The following CPSF2 variants were observed in gnomAD, a reference collection of about 807,000 sequenced individuals.
CPSF2 encodes the protein cleavage and polyadenylation specificity factor subunit 2.
A neutral mutation model predicts 84.2 loss-of-function variants in CPSF2; 51 were observed. That is an observed-to-expected ratio of 0.61 (90% CI 0.48 to 0.77). The LOEUF is 0.77. Ranked by LOEUF, CPSF2 falls within the 30% of genes least tolerant of loss-of-function variation. The pLI is 0.00. For missense variants in CPSF2, 641 were observed against 929.4 expected, an observed-to-expected ratio of 0.69 and a Z score of 4.03; for synonymous variants, 286 against 311.9, an observed-to-expected ratio of 0.92 and a Z score of 0.87.
intron 15 of CPSF2, 93 bp downstream of exon 15, chr14:92,161,339 A>C (rs2069369528): frequency 1.4e-6 from 2 of 1,397,898 alleles, no homozygotes; most frequent in Admixed American, 2.6e-5. Flanking sequence ...TATTTTCACA[A>C]AACTGAAGAT....
rs917325322 is a variant in CPSF2 at position 92,122,103 on chromosome 14, G to A, written c.-119G>A. The A allele has an allele frequency of 2.3e-6, 1 of 438,488 alleles. No homozygotes were observed. The highest frequency in any genetic ancestry group is 2.0e-5 in the African/African-American group (1 of 49,738). The allele number at this position is 438,488 out of a possible 1,614,324, so 27.2% of individuals were successfully genotyped here. A position where few individuals can be genotyped will look rare whatever the true frequency, so the allele number is the denominator to read the frequency against. On this transcript the variant is annotated 5_prime_UTR_variant, in exon 1 of 16. Transcript: ENST00000298875. ...CGCCTAGGGGTTGGGAAGGGCTGTGGACGGCGTTGGGGGAGGCCTGACGAG... is the reference window on the plus strand; with the variant it reads ...CGCCTAGGGGTTGGGAAGGGCTGTGAACGGCGTTGGGGGAGGCCTGACGAG...
chr14:92,153,535 G>A (rs1010757365), intron 9 of CPSF2, among the ~76,000 whole-genome samples: 20 of 151,972 alleles, frequency 1.3e-4, no homozygotes, highest in African/African-American at 4.8e-4. Context: ...TTATAAAAAT[G>A]CTTATCTGTA....
intron 3 of CPSF2, among the ~76,000 whole-genome samples, chr14:92,133,019 G>A (rs1046770074): frequency 2.6e-5 from 4 of 151,522 alleles, no homozygotes; most frequent in Non-Finnish European, 4.4e-5. Flanking sequence ...TGAACCGGGC[G>A]GTGGAGGTCG....
At chr14:92,156,765 T>A (rs201940287) in intron 12 of CPSF2, 134 bp downstream of exon 12, 1 of 457,774 alleles carries the variant, frequency 2.2e-6, no homozygotes. Context: ...AATTTATTTT[T>A]GTATGAAGAG....
intron 9 of CPSF2, among the ~76,000 whole-genome samples, chr14:92,149,995 G>A (rs917958211): frequency 1.3e-5 from 2 of 152,234 alleles, no homozygotes; most frequent in Non-Finnish European, 2.9e-5. Flanking sequence ...GACAAGATGG[G>A]AAGTATTAAT....
At chr14:92,142,443 T>C in intron 8 of CPSF2, 92 bp downstream of exon 8, 1 of 952,408 alleles carries the variant, frequency 1.0e-6, no homozygotes, top group Non-Finnish European at 1.6e-6. Flanking sequence ...ATTTTATTTT[T>C]CTCTTGAAGA....
rs911113374 is a variant in CPSF2 at position 92,166,733 on chromosome 14, T to C, written c.*4989T>C. 1.3e-5 allele frequency: 2 copies of C among 152,220 alleles called. No individual in the cohort carries two copies. The highest frequency in any genetic ancestry group is 2.9e-5 in the Non-Finnish European group (2 of 68,054). The allele number at this position is 152,220 out of a possible 1,614,324, so 9.4% of individuals were successfully genotyped here. A position where few individuals can be genotyped will look rare whatever the true frequency, so the allele number is the denominator to read the frequency against. On this transcript the variant is annotated 3_prime_UTR_variant, in exon 16 of 16. Transcript: ENST00000298875. ...TATCCAGTTGTCCCAGCATCATTTG[T>C]TGAAAAGACTATTTCTTCATTGATT...
At chr14:92,154,310 CT>C (rs769910336) in intron 9 of CPSF2, 47 bp from the exon 10 acceptor site, 5 of 1,362,582 alleles carry the variant, frequency 3.7e-6, no homozygotes, top group Admixed American at 2.1e-5. Flanking sequence ...CTTTAACCCC[CT>C]AATATTAACA....
chr14:92,158,272 G>T (rs1297730269), intron 13 of CPSF2, among the ~76,000 whole-genome samples: 1 of 152,178 alleles, frequency 6.6e-6, no homozygotes, highest in African/African-American at 2.4e-5. Flanking sequence ...TGAGGAAAAT[G>T]ATTAAGAATT....
intron 3 of CPSF2, among the ~76,000 whole-genome samples, chr14:92,131,817 C>T (rs898268201): frequency 9.3e-5 from 14 of 150,678 alleles, no homozygotes; most frequent in Admixed American, 3.3e-4. Flanking sequence ...CCAGCCTGGG[C>T]GCAAAGCAAG....
chr14:92,132,291 G>A (rs56014528), intron 3 of CPSF2, among the ~76,000 whole-genome samples: 5 of 151,022 alleles, frequency 3.3e-5, no homozygotes, highest in East Asian at 2.0e-4. Flanking sequence ...TGCACCACCC[G>A]GCCGGCTAAG....
At chr14:92,144,111 CTGCTGATA>C (rs2069115122) in intron 9 of CPSF2, among the ~76,000 whole-genome samples, 1 of 152,114 alleles carries the variant, frequency 6.6e-6, no homozygotes, top group East Asian at 1.9e-4. Flanking sequence ...GCCTTCAGAC[CTGCTGATA>C]TGCTGACCCC....
intron 9 of CPSF2, among the ~76,000 whole-genome samples, chr14:92,153,735 G>A (rs577563126): frequency 2.1e-5 from 3 of 141,152 alleles, no homozygotes; most frequent in Admixed American, 7.4e-5. Context: ...ACAGAGTATT[G>A]CTTTGTCACC....
rs1222589008 is a variant in CPSF2 at position 92,154,037 on chromosome 14, A to G, written c.1141-321A>G. On this transcript the variant is annotated intron_variant, in intron 9 of 15. Coordinates refer to ENST00000298875, the MANE Select transcript of CPSF2 (RefSeq NM_017437.3). Reference sequence around the variant, plus strand: ...TTATTCCTAGAGACAGAGTCAACCTATGTTGCCCAGGCTGGTCTTGAACTC... The same window carrying G: ...TTATTCCTAGAGACAGAGTCAACCTGTGTTGCCCAGGCTGGTCTTGAACTC... 7 of 175,546 alleles carry G rather than the reference A, an allele frequency of 4.0e-5. No homozygotes were observed. The East Asian group carries it at 4.4e-4, about 11-fold the overall frequency. 10.9% of individuals were successfully genotyped at this position (175,546 alleles called of 1,614,324 possible).
Position 92,157,655 on chromosome 14 carries a change from A to T in CPSF2, c.1596-4A>T. ...TAATCTTGAATAATCATATCTAATT[A>T]CAGAGCCCGGGTTACCTACATAGAC... On this transcript the variant is annotated splice_polypyrimidine_tract_variant and splice_region_variant and intron_variant, in intron 12 of 15. Transcript: ENST00000298875. This position sits in a 1 kb window ranked among gnomAD's most constrained non-coding sequence, Gnocchi z 4.0. 1 of 1,606,630 alleles carries T rather than the reference A, an allele frequency of 6.2e-7. No individual in the cohort carries two copies. The highest frequency in any genetic ancestry group is 8.5e-7 in the Non-Finnish European group (1 of 1,174,068).
rs1350344208 is a variant in CPSF2, at chr14:92,161,266, G to A, written c.2256+20G>A. The A allele has an allele frequency of 3.1e-6, 5 of 1,596,952 alleles. No homozygotes were observed. In the South Asian group the frequency reaches 4.5e-5, roughly 15 times the overall value. On this transcript the variant is annotated intron_variant, in intron 15 of 15. Transcript: ENST00000298875. ...CGCAGAGTAAGTGTGTTTTCAATAA[G>A]GGCTGAATTGAACACATACGTCTGA...
At chr14:92,153,762 G>A (rs560031597) in intron 9 of CPSF2, among the ~76,000 whole-genome samples, 1 of 148,672 alleles carries the variant, frequency 6.7e-6, no homozygotes, top group African/African-American at 2.5e-5. Context: ...GGAGTACAGT[G>A]GTGTGAGCAC....
chr14:92,152,519 G>C (rs2069234474), intron 9 of CPSF2, among the ~76,000 whole-genome samples: 1 of 151,048 alleles, frequency 6.6e-6, no homozygotes, highest in Admixed American at 6.6e-5. Flanking sequence ...GCTCACTGCA[G>C]TTTCCGCCTC....
chr14:92,165,038 T>G lies in CPSF2; in HGVS notation c.*3294T>G, dbSNP rs1363543465. The G allele has an allele frequency of 6.6e-6, 1 of 152,164 alleles. No homozygotes were observed. 9.4% of individuals were successfully genotyped at this position (152,164 alleles called of 1,614,324 possible). On this transcript the variant is annotated 3_prime_UTR_variant, in exon 16 of 16. Coordinates refer to ENST00000298875, the MANE Select transcript of CPSF2 (RefSeq NM_017437.3). ...AATTGAATAATACAATATATGAACT[T>G]TTATGTTTGACTTCTTTCACTTAGC...
Sources: allele counts gnomAD v4.1 joint callset (sites outside exome capture counted in the v4.1 genomes callset), GRCh38; gene constraint gnomAD v4.1.1; non-coding constraint Gnocchi (gnomAD v3.1); transcripts MANE v1.5; gene names NCBI Gene and HGNC (gene_info 2026-07-23, HGNC 2026-07-21).